KCNMB2: variants seen among roughly 807,000 people sequenced by gnomAD.
KCNMB2 encodes the protein calcium-activated potassium channel subunit beta-2.
A neutral mutation model predicts 24.5 loss-of-function variants in KCNMB2; 9 were observed. The observed-to-expected ratio is 0.37, with a 90% CI of 0.22 to 0.64. KCNMB2 has a LOEUF of 0.64. KCNMB2 is among the 30% of genes least tolerant of loss of function. The pLI is 0.63. For missense variants in KCNMB2, 226 were observed against 284.3 expected (o/e 0.79, Z 1.47); for synonymous variants, 109 against 104.4 (o/e 1.04, Z -0.27).
intron 1 of KCNMB2, among the ~76,000 whole-genome samples, chr3:178,693,472 T>G (rs1721757637): frequency 6.6e-6 from 1 of 152,206 alleles, no homozygotes; most frequent in Admixed American, 6.5e-5. Flanking sequence ...AAGTTGAATT[T>G]TATTGAAAGC....
intron 1 of KCNMB2, among the ~76,000 whole-genome samples, chr3:178,605,281 A>G (rs1718232680): frequency 6.6e-6 from 1 of 152,112 alleles, no homozygotes; most frequent in Non-Finnish European, 1.5e-5. Flanking sequence ...CAGACACTAA[A>G]TCTATCAGTG....
intron 2 of KCNMB2, among the ~76,000 whole-genome samples, chr3:178,809,579 C>T (rs183780881): frequency 6.6e-6 from 1 of 152,306 alleles, no homozygotes; most frequent in Non-Finnish European, 1.5e-5. Context: ...ACCCCAGTAC[C>T]TGCCCAGGCT....
chr3:178,786,857 T>C (rs1713122573), intron 1 of KCNMB2, among the ~76,000 whole-genome samples: 1 of 148,734 alleles, frequency 6.7e-6, no homozygotes, highest in Admixed American at 6.7e-5. Flanking sequence ...AAGAAATAAA[T>C]AAACAAAATG....
At chr3:178,576,189 C>T (rs1409246626) in intron 1 of KCNMB2, among the ~76,000 whole-genome samples, 3 of 151,610 alleles carry the variant, frequency 2.0e-5, no homozygotes, top group Non-Finnish European at 2.9e-5. Context: ...GTGCAGCCCA[C>T]GGAGGGCAAG....
intron 1 of KCNMB2, among the ~76,000 whole-genome samples, chr3:178,671,015 A>G (rs1412196472): frequency 1.3e-5 from 2 of 152,160 alleles, no homozygotes; most frequent in Non-Finnish European, 1.5e-5. Context: ...GTTCTAGAAT[A>G]GAAAGAAGTT....
chr3:178,688,995 G>T (rs1721569971), intron 1 of KCNMB2, among the ~76,000 whole-genome samples: 1 of 152,084 alleles, frequency 6.6e-6, no homozygotes, highest in Non-Finnish European at 1.5e-5. Context: ...ATAGAGAAAA[G>T]AGAAAAGAAA....
At chr3:178,734,526 T>C (rs1243892959) in intron 1 of KCNMB2, among the ~76,000 whole-genome samples, 1 of 152,200 alleles carries the variant, frequency 6.6e-6, no homozygotes, top group African/African-American at 2.4e-5. Context: ...TAGAAAAAAT[T>C]AGCTGCACAG....
intron 1 of KCNMB2, among the ~76,000 whole-genome samples, chr3:178,569,033 A>G (rs1368087052): frequency 6.6e-6 from 1 of 152,196 alleles, no homozygotes; most frequent in African/African-American, 2.4e-5. Context: ...ATTGGCTTAT[A>G]TAAGTAAAAA....
intron 1 of KCNMB2, among the ~76,000 whole-genome samples, chr3:178,703,704 G>A (rs6807763): frequency 0.032 from 4,840 of 152,270 alleles, 195 homozygotes; most frequent in East Asian, 0.17. Context: ...ATGAATGTAT[G>A]AACATTCTCC....
At chr3:178,746,831 T>C (rs11926032) in intron 1 of KCNMB2, 33,956 of 152,802 alleles carry the variant, frequency 0.22, 3,982 homozygotes, top group Middle Eastern at 0.34. Context: ...TCCCAACAAG[T>C]TCCTCATCTC....
chr3:178,568,944 GTC>G (rs755830541), intron 1 of KCNMB2, among the ~76,000 whole-genome samples: 1 of 152,098 alleles, frequency 6.6e-6, no homozygotes, highest in East Asian at 1.9e-4. Context: ...AAAGAGTTCA[GTC>G]TCTGTATTAT....
At chr3:178,642,554 ATAT>A (rs1719764557) in intron 1 of KCNMB2, among the ~76,000 whole-genome samples, 1 of 152,248 alleles carries the variant, frequency 6.6e-6, no homozygotes, top group Admixed American at 6.5e-5. Flanking sequence ...GAAGATACTA[ATAT>A]TATTAGAAGT....
At chr3:178,691,127 T>TTTTTTTTTTTTTTTTTTTTTTTTATTA (rs1721659605) in intron 1 of KCNMB2, among the ~76,000 whole-genome samples, 1 of 145,770 alleles carries the variant, frequency 6.9e-6, no homozygotes, top group Non-Finnish European at 1.5e-5. Flanking sequence ...TTTTTTTTTT[T>TTTTTTTTTTTTTTTTTTTTTTTTATTA]GATAGAGACG....
intron 1 of KCNMB2, among the ~76,000 whole-genome samples, chr3:178,648,717 T>A (rs913072471): frequency 4.6e-5 from 7 of 152,234 alleles, no homozygotes; most frequent in Admixed American, 1.3e-4. Flanking sequence ...TTGCTTTCTT[T>A]CCTTGCTGCC....
intron 1 of KCNMB2, among the ~76,000 whole-genome samples, chr3:178,586,538 C>CGTTTT (rs1313147122): frequency 7.3e-5 from 5 of 68,496 alleles, no homozygotes; most frequent in African/African-American, 2.3e-4. Context: ...TTTTTTCTTT[C>CGTTTT]TTTTTTTTTT....
intron 1 of KCNMB2, among the ~76,000 whole-genome samples, chr3:178,542,927 A>G (rs938853380): frequency 6.6e-6 from 1 of 152,172 alleles, no homozygotes; most frequent in African/African-American, 2.4e-5. Flanking sequence ...ATGGTATATT[A>G]TTCATGGGGT....
intron 2 of KCNMB2, chr3:178,820,399 T>C (rs1297959501): frequency 1.3e-5 from 2 of 152,676 alleles, no homozygotes; most frequent in African/African-American, 4.8e-5. Context: ...ACTTAGCACA[T>C]TGTGTTTCAT....
intron 1 of KCNMB2, among the ~76,000 whole-genome samples, chr3:178,577,154 G>T: frequency 6.6e-6 from 1 of 152,156 alleles, no homozygotes. Flanking sequence ...CTGGGACAAA[G>T]CTTCCAAAGG....
At chr3:178,597,116 T>C (rs1717905948) in intron 1 of KCNMB2, among the ~76,000 whole-genome samples, 1 of 152,144 alleles carries the variant, frequency 6.6e-6, no homozygotes, top group African/African-American at 2.4e-5. Context: ...TCGAGCTACC[T>C]GACTTAAACA....
Sources: allele counts gnomAD v4.1 joint callset (sites outside exome capture counted in the v4.1 genomes callset), GRCh38; gene constraint gnomAD v4.1.1; transcripts MANE v1.5; gene names NCBI Gene and HGNC (gene_info 2026-07-23, HGNC 2026-07-21).